GRIK1: variants seen among roughly 807,000 people sequenced by gnomAD.
The protein encoded by GRIK1 is glutamate ionotropic receptor kainate type subunit 1, also known as glutamate receptor ionotropic, kainate 1.
In GRIK1, 69 loss-of-function variants were observed where a neutral mutation model predicts 105.7. The ratio of observed to expected loss-of-function variants is 0.65; its 90% confidence interval spans 0.54 to 0.80. GRIK1 has a LOEUF of 0.80. Ranked by LOEUF, GRIK1 falls within the 30% of genes least tolerant of loss-of-function variation. GRIK1 has a pLI of 0.00. For synonymous variants in GRIK1, 438 were observed against 431.3 expected (o/e 1.02, Z -0.19); for missense variants, 1,109 against 1,167.3 (o/e 0.95, Z 0.73).
intron 1 of GRIK1, among the ~76,000 whole-genome samples, chr21:29,808,513 T>C (rs1227084090): frequency 6.6e-6 from 1 of 152,186 alleles, no homozygotes; most frequent in East Asian, 1.9e-4. Flanking sequence ...TTAGAGTAAT[T>C]ACCAGGACAT....
At chr21:29,609,242 G>A (rs2061680627) in intron 7 of GRIK1, among the ~76,000 whole-genome samples, 1 of 151,632 alleles carries the variant, frequency 6.6e-6, no homozygotes, top group South Asian at 2.1e-4. Flanking sequence ...TCTCTCTTTG[G>A]TAACCTATAA....
At chr21:29,637,674 C>G (rs1468013190) in intron 7 of GRIK1, among the ~76,000 whole-genome samples, 1 of 152,200 alleles carries the variant, frequency 6.6e-6, no homozygotes, top group Admixed American at 6.5e-5. Context: ...ACAACGGATT[C>G]TGCTAGCACC....
At chr21:29,898,394 G>A (rs2070255194) in intron 1 of GRIK1, among the ~76,000 whole-genome samples, 1 of 152,134 alleles carries the variant, frequency 6.6e-6, no homozygotes, top group Non-Finnish European at 1.5e-5. Context: ...AGGGATGACA[G>A]GGCAAAAGGT....
chr21:29,937,725 AC>A (rs2071814255), intron 1 of GRIK1, among the ~76,000 whole-genome samples: 3 of 152,104 alleles, frequency 2.0e-5, no homozygotes, highest in Admixed American at 1.3e-4. Flanking sequence ...CACAAGCAAA[AC>A]CCCAATTAAG....
intron 1 of GRIK1, among the ~76,000 whole-genome samples, chr21:29,899,052 G>A (rs2070289078): frequency 6.6e-6 from 1 of 151,864 alleles, no homozygotes; most frequent in African/African-American, 2.4e-5. Flanking sequence ...CAACATATCT[G>A]GGCTTTCTCT....
chr21:29,895,300 C>A (rs993320682), intron 1 of GRIK1, among the ~76,000 whole-genome samples: 1 of 152,062 alleles, frequency 6.6e-6, no homozygotes, highest in Admixed American at 6.5e-5. Context: ...GTTCAACGAA[C>A]CTGCGGATCA....
At chr21:29,595,639 A>G (rs1199858399) in intron 9 of GRIK1, among the ~76,000 whole-genome samples, 1 of 152,174 alleles carries the variant, frequency 6.6e-6, no homozygotes, top group African/African-American at 2.4e-5. Context: ...AAACTGTTCA[A>G]GTTGAACAAC....
At chr21:29,827,361 A>T (rs1043401595) in intron 1 of GRIK1, among the ~76,000 whole-genome samples, 1 of 152,268 alleles carries the variant, frequency 6.6e-6, no homozygotes. Context: ...TATGAATTCA[A>T]ATATATTTCA....
chr21:29,860,734 T>A (rs1367349789), intron 1 of GRIK1, among the ~76,000 whole-genome samples: 3 of 152,114 alleles, frequency 2.0e-5, no homozygotes, highest in Admixed American at 6.5e-5. Flanking sequence ...TTTAAAAAAA[T>A]TTAAATTGTA....
intron 7 of GRIK1, among the ~76,000 whole-genome samples, chr21:29,618,856 G>T (rs546754527): frequency 2.6e-4 from 39 of 152,264 alleles, no homozygotes; most frequent in African/African-American, 9.1e-4. Flanking sequence ...GGCCGGGTGC[G>T]GTGGCTCACG....
intron 7 of GRIK1, among the ~76,000 whole-genome samples, chr21:29,626,709 G>T (rs984157667): frequency 2.0e-5 from 3 of 152,140 alleles, no homozygotes; most frequent in Non-Finnish European, 4.4e-5. Context: ...GGATGTCAAT[G>T]TTTAGCACCA....
At chr21:29,847,992 C>T (rs1235824172) in intron 1 of GRIK1, among the ~76,000 whole-genome samples, 3 of 151,756 alleles carry the variant, frequency 2.0e-5, no homozygotes, top group Non-Finnish European at 4.4e-5. Context: ...TTTACTTAGC[C>T]TTAATTAACT....
chr21:29,701,071 A>G (rs940451547), intron 1 of GRIK1, among the ~76,000 whole-genome samples: 1 of 152,202 alleles, frequency 6.6e-6, no homozygotes, highest in Admixed American at 6.5e-5. Flanking sequence ...TTCTACTTCA[A>G]TTCATGGTTA....
chr21:29,718,821 C>T (rs2064242926), intron 1 of GRIK1, among the ~76,000 whole-genome samples: 1 of 152,168 alleles, frequency 6.6e-6, no homozygotes, highest in East Asian at 1.9e-4. Context: ...ATGGGGCATT[C>T]TAGTGCTCAG....
chr21:29,933,077 GA>G (rs1172434165), intron 1 of GRIK1, among the ~76,000 whole-genome samples: 3 of 151,752 alleles, frequency 2.0e-5, no homozygotes, highest in Admixed American at 6.6e-5. Context: ...CTTTTTTAAA[GA>G]AAAAATATTT....
intron 14 of GRIK1, among the ~76,000 whole-genome samples, chr21:29,564,035 A>G (rs1013526730): frequency 6.6e-6 from 1 of 152,176 alleles, no homozygotes; most frequent in Non-Finnish European, 1.5e-5. Context: ...TTATTCATGG[A>G]CTCATTATTC....
At position 29,939,721 on chromosome 21, in the gene GRIK1, A is replaced by T. The variant is rs930573681; in HGVS notation, c.-221T>A. On this transcript the variant is annotated 5_prime_UTR_variant, in exon 1 of 18. It removes an upstream start codon present in the reference 5' UTR. Coordinates refer to ENST00000327783, the MANE Select transcript of GRIK1 (RefSeq NM_001330994.2). ...GGCTCCTCAGTGCTGTCGCTAGCCC[A>T]TCACGGCTCCTCCTCCTCCTCTTCC... is the stretch of plus-strand genomic sequence containing the variant. 88 of 421,078 alleles carry T rather than the reference A, an allele frequency of 2.1e-4. 1 individual carries two copies. The highest frequency in any genetic ancestry group is 1.6e-3 in the African/African-American group (78 of 48,308). 26.1% of individuals were successfully genotyped at this position (421,078 alleles called of 1,614,324 possible). A position where few individuals can be genotyped will look rare whatever the true frequency, so the allele number is the denominator to read the frequency against.
intron 14 of GRIK1, among the ~76,000 whole-genome samples, chr21:29,571,698 T>C (rs2090754348): frequency 6.6e-6 from 1 of 152,248 alleles, no homozygotes. Context: ...TGAAAATGTC[T>C]GAATCCCTTT....
chr21:29,636,806 G>A (rs998027270), intron 7 of GRIK1, among the ~76,000 whole-genome samples: 3 of 152,018 alleles, frequency 2.0e-5, no homozygotes, highest in African/African-American at 4.8e-5. Flanking sequence ...CTGAAACTTC[G>A]TTTTGTCTCT....
Sources: allele counts gnomAD v4.1 joint callset (sites outside exome capture counted in the v4.1 genomes callset), GRCh38; gene constraint gnomAD v4.1.1; transcripts MANE v1.5; gene names NCBI Gene and HGNC (gene_info 2026-07-23, HGNC 2026-07-21).